Variants in TSGA10 observed in about 807,000 individuals in gnomAD.
TSGA10 encodes testis-specific gene 10 protein.
Under a neutral mutation model 96.6 loss-of-function variants are expected in TSGA10, and 43 were observed. The observed-to-expected ratio is 0.44, with a 90% CI of 0.35 to 0.57. The LOEUF is 0.57. Ranked by LOEUF, TSGA10 falls within the 20% of genes least tolerant of loss-of-function variation. The pLI, the probability that TSGA10 is intolerant of heterozygous loss-of-function variation, is 0.01. For missense variants in TSGA10, 703 were observed against 834.4 expected, an observed-to-expected ratio of 0.84 and a Z score of 1.94; for synonymous variants, 229 against 269.9, an observed-to-expected ratio of 0.85 and a Z score of 1.48.
At chr2:99,003,426 A>C (rs1236713483) in intron 20 of TSGA10, among the ~76,000 whole-genome samples, 1 of 152,214 alleles carries the variant, frequency 6.6e-6, no homozygotes, top group East Asian at 1.9e-4. Flanking sequence ...CCAGGACTTG[A>C]ACTCAGCTCT....
At chr2:99,152,262 G>A (rs1305242967) in intron 1 of TSGA10, among the ~76,000 whole-genome samples, 1 of 152,110 alleles carries the variant, frequency 6.6e-6, no homozygotes, top group Admixed American at 6.6e-5. Context: ...CATTCAGAGG[G>A]ACATAACACA....
intron 4 of TSGA10, among the ~76,000 whole-genome samples, chr2:99,115,654 C>T (rs966495072): frequency 6.6e-6 from 1 of 151,882 alleles, no homozygotes; most frequent in Admixed American, 6.6e-5. Context: ...CCAAGGTGGG[C>T]GGATCACTTC....
intron 10 of TSGA10, among the ~76,000 whole-genome samples, chr2:99,096,523 T>C (rs112618838): frequency 6.6e-6 from 1 of 152,236 alleles, no homozygotes; most frequent in African/African-American, 2.4e-5. Flanking sequence ...AGAATCTCTT[T>C]AATGGCAGCA....
chr2:99,028,563 T>A (rs2080851472), intron 17 of TSGA10, among the ~76,000 whole-genome samples: 1 of 152,142 alleles, frequency 6.6e-6, no homozygotes, highest in Non-Finnish European at 1.5e-5. Flanking sequence ...CCCAAACTTA[T>A]TCACCTTGTA....
At chr2:99,056,075 G>A (rs2083952006) in intron 16 of TSGA10, among the ~76,000 whole-genome samples, 1 of 151,690 alleles carries the variant, frequency 6.6e-6, no homozygotes, top group South Asian at 2.1e-4. Flanking sequence ...CGTGGTGGTG[G>A]GCACCTGTAG....
chr2:99,116,286 T>C (rs1474867918), intron 4 of TSGA10, among the ~76,000 whole-genome samples: 1 of 152,204 alleles, frequency 6.6e-6, no homozygotes, highest in Non-Finnish European at 1.5e-5. Flanking sequence ...TAGGCAGCAA[T>C]GGAGAAGTGA....
chr2:99,151,327 G>GC (rs1219269720), intron 1 of TSGA10: 1 of 152,582 alleles, frequency 6.6e-6, no homozygotes, highest in Non-Finnish European at 1.5e-5. Context: ...GCCAGGCATG[G>GC]TGGTGGGCAC....
chr2:99,091,393 T>C (rs2089313725), intron 10 of TSGA10, among the ~76,000 whole-genome samples: 1 of 152,024 alleles, frequency 6.6e-6, no homozygotes, highest in Non-Finnish European at 1.5e-5. Flanking sequence ...CATACATACA[T>C]ACATAAATAC....
chr2:98,998,115 T>A lies in TSGA10; in HGVS notation c.*82A>T, dbSNP rs2077597055. ...TTAACATTGCCAAGCATTTAAAAGA[T>A]AAATGCACTCATGTAGCAAAAAAAA... is the stretch of plus-strand genomic sequence containing the variant. On this transcript the variant is annotated 3_prime_UTR_variant, in exon 21 of 21. Transcript: ENST00000393483. 1 of 1,177,362 alleles carries A rather than the reference T, an allele frequency of 8.5e-7. No individual in the cohort carries two copies. The highest frequency in any genetic ancestry group is 1.4e-5 in the South Asian group (1 of 73,280). The allele number at this position is 1,177,362 out of a possible 1,614,324, so 72.9% of individuals were successfully genotyped here.
intron 14 of TSGA10, 102 bp from the exon 15 acceptor site, chr2:99,069,100 T>G: frequency 2.1e-6 from 1 of 485,886 alleles, no homozygotes; most frequent in Non-Finnish European, 3.5e-6. Context: ...CAAATAAAAT[T>G]AACATACCTA....
chr2:99,082,067 C>T (rs1047204263), intron 10 of TSGA10, among the ~76,000 whole-genome samples: 2 of 152,252 alleles, frequency 1.3e-5, no homozygotes, highest in African/African-American at 4.8e-5. Context: ...TACCCGACCC[C>T]CTTCCTCAAG....
At chr2:99,144,113 C>T (rs1188801643) in intron 1 of TSGA10, among the ~76,000 whole-genome samples, 2 of 152,154 alleles carry the variant, frequency 1.3e-5, no homozygotes, top group South Asian at 4.1e-4. Flanking sequence ...CTCTGCCTCG[C>T]GGCTTCACGC....
intron 1 of TSGA10, among the ~76,000 whole-genome samples, chr2:99,132,820 T>C (rs998104510): frequency 2.0e-5 from 3 of 152,202 alleles, no homozygotes; most frequent in African/African-American, 4.8e-5. Context: ...TTTGTTCTCA[T>C]TGGTTTCAAA....
At chr2:99,016,066 G>T (rs931063395) in intron 20 of TSGA10, among the ~76,000 whole-genome samples, 1 of 152,242 alleles carries the variant, frequency 6.6e-6, no homozygotes, top group African/African-American at 2.4e-5. Context: ...TTGTAAAAAT[G>T]ACCATACTGC....
chr2:99,012,835 G>C (rs151258285), intron 20 of TSGA10, among the ~76,000 whole-genome samples: 1,632 of 152,138 alleles, frequency 0.011, 8 homozygotes, highest in Middle Eastern at 0.027. Flanking sequence ...GGACTTAACA[G>C]GTATTTACAG....
intron 12 of TSGA10, among the ~76,000 whole-genome samples, chr2:99,077,553 TTTTA>T (rs1216515731): frequency 2.6e-5 from 4 of 152,010 alleles, no homozygotes; most frequent in African/African-American, 4.8e-5. Context: ...TGGCAACACC[TTTTA>T]TTTATTTTAT....
chr2:99,018,894 T>A (rs1225171172), intron 18 of TSGA10, among the ~76,000 whole-genome samples: 2 of 152,210 alleles, frequency 1.3e-5, no homozygotes, highest in African/African-American at 4.8e-5. Flanking sequence ...TCAGCTTCCC[T>A]GTGGGAACAT....
chr2:99,118,468 A>T, intron 3 of TSGA10, 83 bp downstream of exon 3: 1 of 434,704 alleles, frequency 2.3e-6, no homozygotes, highest in Non-Finnish European at 3.0e-6. Flanking sequence ...AAAAAAAAAA[A>T]GTATATATAC....
At chr2:99,063,811 AT>A (rs1415471117) in intron 16 of TSGA10, among the ~76,000 whole-genome samples, 3 of 151,910 alleles carry the variant, frequency 2.0e-5, no homozygotes, top group East Asian at 1.9e-4. Flanking sequence ...TCTCAAAAAA[AT>A]ATATATATAT....
Sources: allele counts gnomAD v4.1 joint callset (sites outside exome capture counted in the v4.1 genomes callset), GRCh38; gene constraint gnomAD v4.1.1; transcripts MANE v1.5; gene names NCBI Gene and HGNC (gene_info 2026-07-23, HGNC 2026-07-21).